NALCN: variants seen among roughly 807,000 people sequenced by gnomAD.
NALCN encodes the protein sodium leak channel, non-selective.
A neutral mutation model predicts 225.3 loss-of-function variants in NALCN; 111 were observed. That is an observed-to-expected ratio of 0.49 (90% CI 0.42 to 0.58). NALCN has a LOEUF of 0.58. Ranked by LOEUF, NALCN falls within the 20% of genes least tolerant of loss-of-function variation. NALCN has a pLI of 0.00. For missense variants in NALCN, 1,378 were observed against 2,202.4 expected, an observed-to-expected ratio of 0.63 and a Z score of 7.49; for synonymous variants, 764 against 769.0, an observed-to-expected ratio of 0.99 and a Z score of 0.11.
At chr13:101,139,036 C>T (rs2036938780) in intron 17 of NALCN, among the ~76,000 whole-genome samples, 1 of 151,980 alleles carries the variant, frequency 6.6e-6, no homozygotes, top group South Asian at 2.1e-4. Flanking sequence ...AAACGACAGG[C>T]AGGAAAACAC....
intron 14 of NALCN, among the ~76,000 whole-genome samples, chr13:101,188,987 A>C (rs1747242): frequency 0.36 from 55,075 of 151,964 alleles, 10,575 homozygotes; most frequent in African/African-American, 0.43. Context: ...CGTGCTGGCC[A>C]TAAATACTAT....
intron 6 of NALCN, among the ~76,000 whole-genome samples, chr13:101,352,608 T>G (rs1229930377): frequency 5.3e-5 from 8 of 152,164 alleles, no homozygotes; most frequent in Non-Finnish European, 1.0e-4. Flanking sequence ...ATTTATAGAT[T>G]AGGGTAAAAG....
At chr13:101,308,239 C>T (rs2044218351) in intron 7 of NALCN, among the ~76,000 whole-genome samples, 1 of 152,160 alleles carries the variant, frequency 6.6e-6, no homozygotes, top group South Asian at 2.1e-4. Flanking sequence ...TTCTCTTCTT[C>T]CTGGGCGCAT....
chr13:101,122,534 A>G, intron 18 of NALCN, among the ~76,000 whole-genome samples: 1 of 152,336 alleles, frequency 6.6e-6, no homozygotes, highest in East Asian at 1.9e-4. Context: ...ATATAATTGA[A>G]AAAACAAAAA....
At chr13:101,317,481 T>C (rs1338229983) in intron 7 of NALCN, among the ~76,000 whole-genome samples, 1 of 152,208 alleles carries the variant, frequency 6.6e-6, no homozygotes, top group African/African-American at 2.4e-5. Flanking sequence ...GTAAGCATCA[T>C]TGGTTTAAAC....
intron 13 of NALCN, among the ~76,000 whole-genome samples, chr13:101,218,567 A>G (rs981567611): frequency 3.3e-5 from 5 of 151,982 alleles, no homozygotes; most frequent in East Asian, 1.9e-4. Flanking sequence ...GTAATCCCCA[A>G]TATTGGAGGT....
intron 13 of NALCN, among the ~76,000 whole-genome samples, chr13:101,213,945 ATATACCCAAAGGATTATAAATCATG>A (rs1219991726): frequency 1.1e-4 from 17 of 152,222 alleles, no homozygotes; most frequent in African/African-American, 4.1e-4. Flanking sequence ...ATTACTGGGT[ATATACCCAAAGGATTATAAATCATG>A]CTGCTATAAA....
intron 13 of NALCN, among the ~76,000 whole-genome samples, chr13:101,208,790 G>T (rs572817294): frequency 1.3e-5 from 2 of 152,056 alleles, no homozygotes; most frequent in Non-Finnish European, 2.9e-5. Context: ...TTCTGTTCTC[G>T]CCATGTGAAA....
At chr13:101,146,770 G>A (rs371309226) in intron 15 of NALCN, among the ~76,000 whole-genome samples, 4 of 152,198 alleles carry the variant, frequency 2.6e-5, no homozygotes, top group East Asian at 1.9e-4. Flanking sequence ...TAAGCTCAGG[G>A]GATATAAAAA....
intron 18 of NALCN, among the ~76,000 whole-genome samples, chr13:101,118,669 A>T (rs1252034204): frequency 6.6e-6 from 1 of 152,208 alleles, no homozygotes; most frequent in Non-Finnish European, 1.5e-5. Context: ...CAGACTTCAT[A>T]GAATTGCAAA....
chr13:101,244,690 A>T (rs1271762247), intron 11 of NALCN, among the ~76,000 whole-genome samples: 1 of 152,240 alleles, frequency 6.6e-6, no homozygotes, highest in Non-Finnish European at 1.5e-5. Context: ...GCCATAGAGA[A>T]GAACTGTGTC....
intron 14 of NALCN, among the ~76,000 whole-genome samples, chr13:101,179,595 G>C (rs2039107444): frequency 6.6e-6 from 1 of 152,102 alleles, no homozygotes; most frequent in African/African-American, 2.4e-5. Context: ...CCCACTACAA[G>C]CTGGGTAATA....
At chr13:101,339,338 T>C (rs1282124495) in intron 7 of NALCN, among the ~76,000 whole-genome samples, 3 of 152,152 alleles carry the variant, frequency 2.0e-5, no homozygotes, top group Non-Finnish European at 4.4e-5. Flanking sequence ...TTAGATTATG[T>C]CTACTACTCA....
intron 15 of NALCN, among the ~76,000 whole-genome samples, chr13:101,168,772 C>T (rs1483962708): frequency 1.3e-5 from 2 of 152,204 alleles, no homozygotes; most frequent in Admixed American, 1.3e-4. Context: ...GCTGCTCAAG[C>T]ATTTCCTGTG....
At chr13:101,402,401 C>G (rs1257427252) in intron 1 of NALCN, among the ~76,000 whole-genome samples, 1 of 152,230 alleles carries the variant, frequency 6.6e-6, no homozygotes, top group East Asian at 1.9e-4. Context: ...GGTTAAGACC[C>G]AGTTTTTGTA....
At chr13:101,155,578 T>C (rs755596568) in intron 15 of NALCN, among the ~76,000 whole-genome samples, 1 of 152,214 alleles carries the variant, frequency 6.6e-6, no homozygotes, top group Non-Finnish European at 1.5e-5. Flanking sequence ...AGGTTAACTG[T>C]CCTTACTTGG....
intron 15 of NALCN, among the ~76,000 whole-genome samples, chr13:101,160,026 C>T (rs934317791): frequency 6.6e-6 from 1 of 152,104 alleles, no homozygotes; most frequent in Non-Finnish European, 1.5e-5. Flanking sequence ...GCGATCTCGG[C>T]TCACTGCAAC....
At chr13:101,252,221 C>T (rs1480822016) in intron 11 of NALCN, among the ~76,000 whole-genome samples, 1 of 152,184 alleles carries the variant, frequency 6.6e-6, no homozygotes, top group Non-Finnish European at 1.5e-5. Context: ...GATTCCCCAT[C>T]ACCAAGCACA....
intron 15 of NALCN, among the ~76,000 whole-genome samples, chr13:101,149,189 A>T (rs565594062): frequency 1.3e-5 from 2 of 151,984 alleles, no homozygotes; most frequent in Non-Finnish European, 2.9e-5. Context: ...GCTACTAGGG[A>T]GGCTGAGGCA....
Sources: allele counts gnomAD v4.1 joint callset (sites outside exome capture counted in the v4.1 genomes callset), GRCh38; gene constraint gnomAD v4.1.1; transcripts MANE v1.5; gene names NCBI Gene and HGNC (gene_info 2026-07-23, HGNC 2026-07-21).